ESRRG: variants seen among roughly 807,000 people sequenced by gnomAD.
ESRRG encodes estrogen related receptor gamma.
ESRRG carries 13 observed loss-of-function variants against 44.0 expected under a neutral mutation model. That is an observed-to-expected ratio of 0.30 (90% confidence interval 0.19 to 0.47). ESRRG has a LOEUF of 0.47. Among genes scored for constraint, ESRRG ranks in the 20% least tolerant of loss-of-function variants. ESRRG has a pLI of 1.00. For synonymous variants in ESRRG, 215 were observed against 214.6 expected (o/e 1.00, Z -0.02); for missense variants, 395 against 580.6 (o/e 0.68, Z 3.29).
intron 1 of ESRRG, among the ~76,000 whole-genome samples, chr1:216,998,696 T>C (rs1462154144): frequency 6.6e-6 from 1 of 152,226 alleles, no homozygotes; most frequent in Non-Finnish European, 1.5e-5. Context: ...TTATAAGAGA[T>C]AATTAGAAAT....
intron 1 of ESRRG, among the ~76,000 whole-genome samples, chr1:217,117,311 C>G (rs1191437825): frequency 1.3e-5 from 2 of 152,082 alleles, no homozygotes; most frequent in East Asian, 3.9e-4. Context: ...AGTTGGCCAG[C>G]CATGGTGGTT....
At chr1:217,055,233 G>T (rs2086847042) in intron 1 of ESRRG, among the ~76,000 whole-genome samples, 1 of 152,070 alleles carries the variant, frequency 6.6e-6, no homozygotes, top group African/African-American at 2.4e-5. Flanking sequence ...GAGGTGTTGT[G>T]CTGAACCCCT....
At chr1:216,638,514 T>C (rs1054788642) in intron 3 of ESRRG, among the ~76,000 whole-genome samples, 6 of 152,208 alleles carry the variant, frequency 3.9e-5, no homozygotes, top group African/African-American at 1.4e-4. Context: ...AGTCACAGAC[T>C]CCATTTGACC....
At chr1:217,074,046 T>C (rs1169891614) in intron 1 of ESRRG, among the ~76,000 whole-genome samples, 1 of 150,556 alleles carries the variant, frequency 6.6e-6, no homozygotes, top group African/African-American at 2.5e-5. Context: ...TAATTATGAA[T>C]GCTTTTTTTT....
chr1:217,109,519 A>T lies in ESRRG; in HGVS notation c.-230+28148T>A, dbSNP rs75279841. Among the ~76,000 whole-genome samples, 46 of 152,306 alleles carry T rather than the reference A, an allele frequency of 3.0e-4. 1 individual carries two copies. In the East Asian group the frequency reaches 8.3e-3, roughly 28 times the overall value. ...AATGAAGCACCCAGTAGTTCCGCAG[A>T]TACCATTAAAGGAGCCCAGGAGATA... On this transcript the variant is annotated intron_variant, in intron 1 of 8. Coordinates refer to the ESRRG transcript ENST00000366940.
intron 1 of ESRRG, among the ~76,000 whole-genome samples, chr1:217,026,704 C>A (rs576112176): frequency 5.3e-5 from 8 of 152,220 alleles, no homozygotes; most frequent in Admixed American, 2.0e-4. Context: ...ACCACATTAA[C>A]TTTGCAGCCT....
intron 2 of ESRRG, among the ~76,000 whole-genome samples, chr1:216,792,144 GACCT>G (rs1025385910): frequency 6.6e-6 from 1 of 151,996 alleles, no homozygotes; most frequent in African/African-American, 2.4e-5. Context: ...TAACCAAAAG[GACCT>G]ACCTAAGTGC....
intron 2 of ESRRG, among the ~76,000 whole-genome samples, chr1:216,921,140 A>G (rs1048756082): frequency 6.6e-6 from 1 of 152,198 alleles, no homozygotes; most frequent in Non-Finnish European, 1.5e-5. Context: ...TCTAAAAAAT[A>G]AAGTTGGCAA....
intron 2 of ESRRG, among the ~76,000 whole-genome samples, chr1:216,655,785 C>T (rs1320118292): frequency 6.6e-6 from 1 of 152,176 alleles, no homozygotes; most frequent in Non-Finnish European, 1.5e-5. Context: ...GAAAACCTCT[C>T]TAATTTCCAG....
At chr1:216,563,270 G>A (rs991339547) in intron 5 of ESRRG, among the ~76,000 whole-genome samples, 2 of 152,096 alleles carry the variant, frequency 1.3e-5, no homozygotes, top group African/African-American at 2.4e-5. Context: ...ACAAATTGTC[G>A]CCTGAACGCT....
intron 2 of ESRRG, among the ~76,000 whole-genome samples, chr1:216,741,991 A>G (rs1044551280): frequency 6.6e-6 from 1 of 152,098 alleles, no homozygotes; most frequent in South Asian, 2.1e-4. Flanking sequence ...TGCCATTCTC[A>G]AGTACTTTTA....
At chr1:216,815,683 G>C (rs937366210) in intron 2 of ESRRG, among the ~76,000 whole-genome samples, 7 of 152,294 alleles carry the variant, frequency 4.6e-5, no homozygotes, top group African/African-American at 1.4e-4. Flanking sequence ...TTTGTGTTCG[G>C]TTCAGCGCAG....
chr1:216,623,335 C>A (rs1288385896), intron 3 of ESRRG, among the ~76,000 whole-genome samples: 3 of 152,020 alleles, frequency 2.0e-5, no homozygotes, highest in Non-Finnish European at 4.4e-5. Context: ...CTTTTAAGAA[C>A]AAATATGATA....
chr1:217,008,373 C>T (rs558196134), intron 1 of ESRRG, among the ~76,000 whole-genome samples: 6 of 152,282 alleles, frequency 3.9e-5, no homozygotes, highest in South Asian at 4.1e-4. Context: ...ATATGCTCAA[C>T]GAAAGTATAA....
chr1:216,573,463 C>T (rs1010131013), intron 3 of ESRRG, among the ~76,000 whole-genome samples: 12 of 151,708 alleles, frequency 7.9e-5, no homozygotes, highest in South Asian at 2.1e-4. Context: ...GGTTATTATA[C>T]GAATGTACTT....
intron 1 of ESRRG, among the ~76,000 whole-genome samples, chr1:216,985,471 T>C (rs1357776975): frequency 6.6e-6 from 1 of 152,224 alleles, no homozygotes; most frequent in African/African-American, 2.4e-5. Context: ...TAAATTCCAG[T>C]AAATGGCTTT....
chr1:216,785,098 A>G (rs890916748), intron 2 of ESRRG, among the ~76,000 whole-genome samples: 3 of 152,082 alleles, frequency 2.0e-5, no homozygotes, highest in Admixed American at 6.6e-5. Flanking sequence ...GAGTATTAAC[A>G]AGACTTTTTT....
intron 1 of ESRRG, among the ~76,000 whole-genome samples, chr1:217,046,594 G>T (rs1304916754): frequency 6.6e-6 from 1 of 152,084 alleles, no homozygotes; most frequent in African/African-American, 2.4e-5. Flanking sequence ...ACACAGAATG[G>T]GATAAGAATG....
intron 1 of ESRRG, among the ~76,000 whole-genome samples, chr1:216,953,062 A>G (rs1411352823): frequency 3.3e-5 from 5 of 152,112 alleles, no homozygotes; most frequent in Non-Finnish European, 2.9e-5. Context: ...CCACATAAAT[A>G]TGGTGATGAA....
Sources: gnomAD v4.1 joint callset for allele counts (sites outside exome capture counted in the v4.1 genomes callset) on GRCh38, gnomAD v4.1.1 for gene constraint, MANE v1.5 for transcripts, NCBI Gene and HGNC (gene_info 2026-07-23, HGNC 2026-07-21) for gene names.